TTC39A: variants seen among roughly 807,000 people sequenced by gnomAD.
TTC39A encodes tetratricopeptide repeat domain 39A.
A neutral mutation model predicts 82.3 loss-of-function variants in TTC39A; 46 were observed. That is an observed-to-expected ratio of 0.56 (90% CI 0.44 to 0.71). TTC39A has a LOEUF of 0.71. TTC39A is among the 30% of genes least tolerant of loss of function. The probability of loss-of-function intolerance (pLI) is 0.00; values close to 1 mark genes in which losing one functional copy is unlikely to be tolerated. For synonymous variants in TTC39A, 254 were observed against 275.2 expected (o/e 0.92, Z 0.76); for missense variants, 543 against 712.9 (o/e 0.76, Z 2.71).
At position 51,296,182 on chromosome 1, in the gene TTC39A, A is replaced by C. The variant is rs1310740080; in HGVS notation, c.1054-12T>G. On this transcript the variant is annotated splice_polypyrimidine_tract_variant and intron_variant, in intron 12 of 17. Coordinates refer to ENST00000680483, the MANE Select transcript of TTC39A (RefSeq NM_001297663.2). Reference sequence around the variant, plus strand: ...TAAATGTAGGTGGCCTGTGCGAGACAGAGCAACAGCCAGGTGTGAGCAGCC... The same window carrying C: ...TAAATGTAGGTGGCCTGTGCGAGACCGAGCAACAGCCAGGTGTGAGCAGCC... 1 of 1,578,332 alleles carries C rather than the reference A, an allele frequency of 6.3e-7. No individual in the cohort carries two copies. The highest frequency in any genetic ancestry group is 1.8e-5 in the Admixed American group (1 of 54,466).
In TTC39A at chr1:51,312,162, G is replaced by A; in HGVS notation, c.312C>T (p.Phe104=). 6.2e-7 allele frequency: 1 copy of A among 1,611,256 alleles called. No homozygotes were observed. The highest frequency in any genetic ancestry group is 8.5e-7 in the Non-Finnish European group (1 of 1,178,842). ...HRRKSSVTDS[F]SSLVNRPTLG... ...GCGTGGGGCGGTTCACCAGGCTGCT[G>A]AAGGAATCTGTTACAGAAGACTTCC... is the stretch of plus-strand genomic sequence containing the variant. The change falls in exon 4 of 18, where the codon TTC becomes TTT. Residue 104 remains phenylalanine (F), a synonymous_variant. Transcript: ENST00000680483.
upstream of TTC39A, chr1:51,330,577 G>T (rs1224550436): frequency 6.1e-6 from 6 of 982,922 alleles, no homozygotes; most frequent in Non-Finnish European, 7.2e-6. The surrounding 1 kb of genome is among the most constrained non-coding windows in gnomAD (Gnocchi z 4.5). Flanking sequence ...TCGCGGACGC[G>T]GCGGCCGGGG....
Position 51,288,063 on chromosome 1 carries a change from G to A in TTC39A, c.*94C>T, listed in dbSNP as rs1174878855. 1 of 1,517,034 alleles carries A rather than the reference G, an allele frequency of 6.6e-7. No individual in the cohort carries two copies. Among genetic ancestry groups the A allele is most frequent in the Non-Finnish European group, 8.9e-7 (1 of 1,124,736 alleles). The allele number at this position is 1,517,034 out of a possible 1,614,324, so 94.0% of individuals were successfully genotyped here. Reference sequence around the variant, plus strand: ...AACTGGAGTGCCGGTGGACCCCAAAGGCAGGGCAGGGCAGGGGGAGGGGGT... The same window carrying A: ...AACTGGAGTGCCGGTGGACCCCAAAAGCAGGGCAGGGCAGGGGGAGGGGGT... On this transcript the variant is annotated 3_prime_UTR_variant, in exon 18 of 18. Transcript: ENST00000680483. The surrounding 1 kb of genome is among the most constrained non-coding windows in gnomAD (Gnocchi z 4.8).
intron 14 of TTC39A, among the ~76,000 whole-genome samples, chr1:51,291,375 C>T (rs1203142947): frequency 6.6e-6 from 1 of 151,610 alleles, no homozygotes. Flanking sequence ...CCTATAATTC[C>T]AGCTACTCGG....
intron 1 of TTC39A, among the ~76,000 whole-genome samples, chr1:51,339,960 A>G (rs1646015075): frequency 6.6e-6 from 1 of 152,152 alleles, no homozygotes; most frequent in Non-Finnish European, 1.5e-5. Context: ...GGAGGTGATT[A>G]GGCCATGGGT....
Position 51,330,072 on chromosome 1 carries a change from CTG to C in TTC39A, c.41+363_41+364del. On this transcript the variant is annotated intron_variant, in intron 1 of 17. Coordinates refer to ENST00000680483, the MANE Select transcript of TTC39A (RefSeq NM_001297663.2). The surrounding 1 kb of genome is among the most constrained non-coding windows in gnomAD (Gnocchi z 4.5). Reference sequence around the variant, plus strand: ...TGACCGATGACAAGTCACTTAAGTGCTGTGTCTCAGTTTCCTCATCTGTAATG... The same window carrying C: ...TGACCGATGACAAGTCACTTAAGTGCTGTCTCAGTTTCCTCATCTGTAATG... The C allele has an allele frequency of 1.1e-6, 1 of 915,340 alleles. No individual in the cohort carries two copies. The highest frequency in any genetic ancestry group is 1.3e-6 in the Non-Finnish European group (1 of 765,846). 56.7% of individuals were successfully genotyped at this position (915,340 alleles called of 1,614,324 possible).
intron 6 of TTC39A, among the ~76,000 whole-genome samples, chr1:51,306,853 A>ACCCCCCCCCCCCCCCCCC (rs3068549): frequency 1.0e-4 from 6 of 60,184 alleles, no homozygotes; most frequent in African/African-American, 2.6e-4. Context: ...TAAGGGACAG[A>ACCCCCCCCCCCCCCCCCC]CCCCCCCCCC....
intron 14 of TTC39A, among the ~76,000 whole-genome samples, chr1:51,293,805 C>T (rs1159368835): frequency 6.6e-6 from 1 of 152,186 alleles, no homozygotes; most frequent in Non-Finnish European, 1.5e-5. Flanking sequence ...AACTCACCAG[C>T]TGTGTGACCT....
chr1:51,307,697 T>C (rs1317798693), intron 6 of TTC39A, among the ~76,000 whole-genome samples: 1 of 142,842 alleles, frequency 7.0e-6, no homozygotes, highest in African/African-American at 2.7e-5. Flanking sequence ...ACTATGCCAC[T>C]GCACTCCAGC....
At chr1:51,311,126 T>C in intron 5 of TTC39A, 128 bp downstream of exon 5, 2 of 869,728 alleles carry the variant, frequency 2.3e-6, no homozygotes, top group Non-Finnish European at 3.4e-6. Flanking sequence ...GGGACACGAT[T>C]GCTACAGGGG....
intron 2 of TTC39A, among the ~76,000 whole-genome samples, chr1:51,320,016 T>C (rs1308717978): frequency 2.0e-5 from 3 of 152,076 alleles, no homozygotes. Flanking sequence ...TATAGGACAT[T>C]CCCTGGCAAA....
chr1:51,306,064 G>C lies in TTC39A; in HGVS notation c.501C>G (p.Ser167Arg), dbSNP rs767277705. Reference protein sequence around the residue: ...NSYQTYKELDSLVQSSQYCKG... With the variant: ...NSYQTYKELDRLVQSSQYCKG... The stretch of plus-strand genomic sequence containing the variant: ...TGCAGTATTGTGAGGACTGAACAAG[G>C]CTGTCCAGCTCCCTGCAGAGAGATG... Residue 167 changes from serine (S) to arginine (R), a missense_variant, in exon 7 of 18, where the codon AGC becomes AGG. By Grantham distance (110) the Ser-to-Arg change is moderately radical. Transcript: ENST00000680483. The C allele has an allele frequency of 1.9e-6, 3 of 1,613,934 alleles. No individual in the cohort carries two copies. Among genetic ancestry groups the C allele is most frequent in the Non-Finnish European group, 8.5e-7 (1 of 1,179,844 alleles).
chr1:51,332,403 G>A (rs1463965141), upstream of TTC39A, among the ~76,000 whole-genome samples: 1 of 152,212 alleles, frequency 6.6e-6, no homozygotes, highest in Admixed American at 6.5e-5. Context: ...TGAGATTACA[G>A]GCATGTGCCA....
chr1:51,290,395 G>C, intron 15 of TTC39A, 119 bp downstream of exon 15: 1 of 927,324 alleles, frequency 1.1e-6, no homozygotes, highest in Non-Finnish European at 1.6e-6. Context: ...GCTCAGTCTA[G>C]AGAGATAAAG....
chr1:51,334,246 G>A (rs1190729930), upstream of TTC39A, among the ~76,000 whole-genome samples: 1 of 150,198 alleles, frequency 6.7e-6, no homozygotes, highest in African/African-American at 2.5e-5. Context: ...GCTCATGCCT[G>A]TAATCCCAGC....
chr1:51,344,995 G>C (rs1417739103), exon 1 of TTC39A: 1 of 1,524,204 alleles, frequency 6.6e-7, no homozygotes, highest in South Asian at 1.2e-5. Context: ...CGGTACCTGC[G>C]GTCGCTTTTC....
At chr1:51,333,220 C>CAAAAA (rs748559262), upstream of TTC39A, among the ~76,000 whole-genome samples, 14 of 80,262 alleles carry the variant, frequency 1.7e-4, 2 homozygotes, top group East Asian at 9.2e-4. Flanking sequence ...TCGCCCCCAC[C>CAAAAA]AAAAAAAAAA....
intron 16 of TTC39A, 91 bp downstream of exon 16, chr1:51,289,914 C>T: frequency 9.4e-7 from 1 of 1,062,194 alleles, no homozygotes; most frequent in East Asian, 2.6e-5. Flanking sequence ...TGGCTAGGGT[C>T]AGCCACTGCA....
chr1:51,344,895 G>A, intron 1 of TTC39A: 1 of 1,428,076 alleles, frequency 7.0e-7, no homozygotes. Flanking sequence ...TTCCCCAGCT[G>A]TGCCTCTCAG....
Sources: gnomAD v4.1 joint callset for allele counts (sites outside exome capture counted in the v4.1 genomes callset) on GRCh38, gnomAD v4.1.1 for gene constraint, Gnocchi (gnomAD v3.1) non-coding constraint, MANE v1.5 for transcripts, NCBI Gene and HGNC (gene_info 2026-07-23, HGNC 2026-07-21) for gene names.